Variants in BRD1 observed in about 807,000 individuals in gnomAD.
The protein encoded by BRD1 is bromodomain containing 1.
In BRD1, 24 loss-of-function variants were observed where a neutral mutation model predicts 107.7. The ratio of observed to expected loss-of-function variants is 0.22; its 90% CI spans 0.16 to 0.31. BRD1 has a LOEUF of 0.31. Among genes scored for constraint, BRD1 ranks in the 10% least tolerant of loss-of-function variants. The probability of loss-of-function intolerance (pLI) is 1.00; values close to 1 mark genes in which losing one functional copy is unlikely to be tolerated. For missense variants in BRD1, 1,279 were observed against 1,638.6 expected (o/e 0.78, Z 3.79); for synonymous variants, 744 against 686.1 (o/e 1.08, Z -1.32).
intron 2 of BRD1, among the ~76,000 whole-genome samples, chr22:49,811,998 AG>A (rs1265656242): frequency 6.6e-6 from 1 of 152,246 alleles, no homozygotes; most frequent in Non-Finnish European, 1.5e-5. Context: ...TCTCAAAAAC[AG>A]AAAAATCACA....
chr22:49,824,921 A>C lies in BRD1; in HGVS notation c.-14-590T>G. The C allele has an allele frequency of 1.6e-6, 1 of 627,794 alleles. No homozygotes were observed. The highest frequency in any genetic ancestry group is 2.0e-6 in the Non-Finnish European group (1 of 498,630). 38.9% of individuals were successfully genotyped at this position (627,794 alleles called of 1,614,324 possible). On this transcript the variant is annotated intron_variant, in intron 1 of 12. Transcript: ENST00000404760. This position sits in a 1 kb window ranked among gnomAD's most constrained non-coding sequence, Gnocchi z 5.9. ...TGGGGCCAGGGGTAGGAGACAGATC[A>C]CAGCCTGTCCATCCTCTATAGACAG...
At chr22:49,779,726 G>A (rs2059168073) in intron 8 of BRD1, among the ~76,000 whole-genome samples, 1 of 152,004 alleles carries the variant, frequency 6.6e-6, no homozygotes, top group Non-Finnish European at 1.5e-5. Flanking sequence ...GTCTCAAGAG[G>A]GAATTAAAAG....
At chr22:49,777,202 T>G in intron 9 of BRD1, 41 bp from the exon 10 acceptor site, 1 of 1,604,964 alleles carries the variant, frequency 6.2e-7, no homozygotes, top group Non-Finnish European at 8.5e-7. Flanking sequence ...GCCCCGCCCC[T>G]GCCTTCAGCC....
intron 2 of BRD1, 85 bp from the exon 3 acceptor site, chr22:49,804,445 A>T: frequency 7.0e-7 from 1 of 1,434,908 alleles, no homozygotes; most frequent in Non-Finnish European, 9.4e-7. Flanking sequence ...TACTACTGCT[A>T]ACAAAACCAT....
chr22:49,799,054 G>C lies in BRD1; in HGVS notation c.1590C>G (p.His530Gln), dbSNP rs142998918. The C allele has an allele frequency of 6.2e-7, 1 of 1,611,336 alleles. No individual in the cohort carries two copies. Among genetic ancestry groups the C allele is most frequent in the South Asian group, 1.1e-5 (1 of 91,082 alleles). Residue 530 changes from histidine to glutamine, a missense_variant, in exon 4 of 13, where the codon CAC becomes CAG. This residue lies in a region of BRD1 where 406 missense variants were observed against 519.4 expected (regional missense o/e 0.78). Coordinates refer to ENST00000404760, the MANE Select transcript of BRD1 (RefSeq NM_001304808.3). ...TCAGCAGGCGAGCGCGCTCCAGGTCGTGCCGCAGCCGCTGCCAGTACTTCA... is the reference window on the plus strand; with the variant it reads ...TCAGCAGGCGAGCGCGCTCCAGGTCCTGCCGCAGCCGCTGCCAGTACTTCA... The part of the protein sequence containing the change: ...EKLKYWQRLR[H>Q]DLERARLLIE...
chr22:49,779,478 G>A (rs2059162908), intron 8 of BRD1, among the ~76,000 whole-genome samples: 1 of 152,184 alleles, frequency 6.6e-6, no homozygotes, highest in Non-Finnish European at 1.5e-5. Context: ...CTCCTGGACT[G>A]GAATGTACCG....
chr22:49,776,714 T>A (rs2059106662), intron 10 of BRD1, among the ~76,000 whole-genome samples: 1 of 152,202 alleles, frequency 6.6e-6, no homozygotes, highest in Non-Finnish European at 1.5e-5. Context: ...CAGTCCCCTG[T>A]GCAGCTGCAA....
chr22:49,782,282 C>T (rs185287030), intron 8 of BRD1, among the ~76,000 whole-genome samples: 2,177 of 135,908 alleles, frequency 0.016, 49 homozygotes, highest in African/African-American at 0.057. Context: ...CCAGGCCAGA[C>T]GCCTGCACGA....
chr22:49,787,250 G>A (rs2059343675), intron 8 of BRD1, 140 bp downstream of exon 8: 4 of 1,195,542 alleles, frequency 3.3e-6, no homozygotes, highest in Non-Finnish European at 4.5e-6. Context: ...ACACTGCACT[G>A]TTGTCTTCTC....
At chr22:49,785,057 T>G (rs1017328838) in intron 8 of BRD1, among the ~76,000 whole-genome samples, 5 of 152,140 alleles carry the variant, frequency 3.3e-5, no homozygotes, top group South Asian at 2.1e-4. Context: ...GCAGTAAGAC[T>G]GCTCTACACC....
Position 49,774,398 on chromosome 22 carries a change from G to A in BRD1, c.3405C>T (p.Ser1135=), listed in dbSNP as rs750499721. The A allele has an allele frequency of 1.2e-6, 2 of 1,607,330 alleles. No individual in the cohort carries two copies. The highest frequency in any genetic ancestry group is 2.2e-5 in the East Asian group (1 of 44,710). Residue 1135 remains serine (S), a synonymous_variant, in exon 13 of 13, where the codon TCC becomes TCT. Coordinates refer to ENST00000404760, the MANE Select transcript of BRD1 (RefSeq NM_001304808.3). ...CGTCAATACCAAGGGGAACCATTTT[G>A]GACTTAGGAAGCCACTGCCTTTTTA... is the stretch of plus-strand genomic sequence containing the variant. ...NKRSWQWLPK[S]KMVPLGIDET...
intron 6 of BRD1, among the ~76,000 whole-genome samples, chr22:49,796,933 T>C (rs986234040): frequency 2.0e-5 from 3 of 152,230 alleles, no homozygotes; most frequent in Non-Finnish European, 2.9e-5. Flanking sequence ...CAGTGATTCA[T>C]CAAGAGAAAG....
chr22:49,775,935 C>T, intron 11 of BRD1, 115 bp downstream of exon 11: 1 of 1,218,580 alleles, frequency 8.2e-7, no homozygotes, highest in African/African-American at 1.6e-5. Flanking sequence ...ACCCCGCCCC[C>T]CCGCCAGCTG....
chr22:49,776,291 C>T (rs2059098446), intron 10 of BRD1, 132 bp from the exon 11 acceptor site: 1 of 736,392 alleles, frequency 1.4e-6, no homozygotes, highest in Non-Finnish European at 2.3e-6. Flanking sequence ...CTCAGCCACC[C>T]CGGCAGCACC....
At position 49,824,143 on chromosome 22, in the gene BRD1, T is replaced by A. The variant is rs750525914; in HGVS notation, c.175A>T (p.Ile59Phe). ...GCAGTGAGGTCATCTTCCAATATGATCTCCAGGGGATCAAAAATACTGATC... is the reference window on the plus strand; with the variant it reads ...GCAGTGAGGTCATCTTCCAATATGAACTCCAGGGGATCAAAAATACTGATC... ...HRISIFDPLE[I>F]ILEDDLTAQE... is the part of the protein sequence containing the mutation. Residue 59 changes from isoleucine (I) to phenylalanine (F), a missense_variant, in exon 2 of 13, where the codon ATC becomes TTC. Coordinates refer to ENST00000404760, the MANE Select transcript of BRD1 (RefSeq NM_001304808.3). This position sits in a 1 kb window ranked among gnomAD's most constrained non-coding sequence, Gnocchi z 5.9. 1 of 1,613,988 alleles carries A rather than the reference T, an allele frequency of 6.2e-7. No homozygotes were observed. Among genetic ancestry groups the A allele is most frequent in the South Asian group, 1.1e-5 (1 of 91,086 alleles).
At chr22:49,791,686 C>G (rs11914241) in intron 7 of BRD1, among the ~76,000 whole-genome samples, 12,733 of 152,124 alleles carry the variant, frequency 0.084, 645 homozygotes, top group South Asian at 0.16. Context: ...GCACTCGCCT[C>G]TCCACAGACC....
chr22:49,825,889 G>A (rs878944562), intron 1 of BRD1: 1 of 152,232 alleles, frequency 6.6e-6, no homozygotes. Flanking sequence ...ATTGTATGTT[G>A]AAACTAGATT....
At position 49,827,613 on chromosome 22, in the gene BRD1, C is replaced by T. The variant is rs2060160460; in HGVS notation, c.-131G>A. ...CCGCCAACGGCCGCGCAGGCCGGGC[C>T]CCGCCGCCGCTCCTGGGCGCGGGCC... On this transcript the variant is annotated 5_prime_UTR_variant, in exon 1 of 13. Coordinates refer to ENST00000404760, the MANE Select transcript of BRD1 (RefSeq NM_001304808.3). 6.9e-6 allele frequency: 1 copy of T among 145,118 alleles called. No individual in the cohort carries two copies. Among genetic ancestry groups the T allele is most frequent in the African/African-American group, 2.5e-5 (1 of 40,542 alleles). 9.0% of individuals were successfully genotyped at this position (145,118 alleles called of 1,614,324 possible).
chr22:49,812,618 A>G (rs2059870702), intron 2 of BRD1, among the ~76,000 whole-genome samples: 1 of 152,230 alleles, frequency 6.6e-6, no homozygotes, highest in Admixed American at 6.5e-5. Flanking sequence ...GGCCACCTCC[A>G]TGTTTAAGTG....
Sources: gnomAD v4.1 joint callset for allele counts (sites outside exome capture counted in the v4.1 genomes callset) on GRCh38, gnomAD v4.1.1 for gene constraint, gnomAD v4.1.1 regional missense constraint, Gnocchi (gnomAD v3.1) non-coding constraint, MANE v1.5 for transcripts, NCBI Gene and HGNC (gene_info 2026-07-23, HGNC 2026-07-21) for gene names.